SYNPO2: variants seen among roughly 807,000 people sequenced by gnomAD.
The protein encoded by SYNPO2 is synaptopodin-2.
Under a neutral mutation model 85.0 loss-of-function variants are expected in SYNPO2, and 56 were observed. That is an observed-to-expected ratio of 0.66 (90% confidence interval 0.53 to 0.82). The LOEUF (loss-of-function observed/expected upper bound fraction) is 0.82, where lower values mean the gene tolerates loss of function less well. Ranked by LOEUF, SYNPO2 falls within the 40% of genes least tolerant of loss-of-function variation. The pLI, the probability that SYNPO2 is intolerant of heterozygous loss-of-function variation, is 0.00. For synonymous variants in SYNPO2, 602 were observed against 591.1 expected (o/e 1.02, Z -0.27); for missense variants, 1,575 against 1,534.2 (o/e 1.03, Z -0.44).
Position 119,027,384 on chromosome 4 carries a change from C to G in SYNPO2, c.1015C>G (p.Pro339Ala), listed in dbSNP as rs779397253. The part of the protein sequence containing the change: ...SSEGTEQGED[P>A]RSEKDHSRPH... ...AGAAGGCACAGAGCAGGGAGAAGAT[C>G]CACGCTCGGAAAAAGATCACAGCAG... The change falls in exon 3 of 5, where the codon CCA becomes GCA. Residue 339 changes from proline (P) to alanine (A), a missense_variant. Physicochemically the swap from Pro to Ala is conservative, Grantham distance 27. Coordinates refer to ENST00000307142, the MANE Select transcript of SYNPO2 (RefSeq NM_133477.3). The G allele has an allele frequency of 5.0e-6, 8 of 1,612,908 alleles. 1 individual carries two copies. In the South Asian group the frequency reaches 7.7e-5, roughly 15 times the overall value.
intron 1 of SYNPO2, among the ~76,000 whole-genome samples, chr4:118,991,346 C>T (rs761948830): frequency 6.6e-6 from 1 of 152,062 alleles, no homozygotes; most frequent in African/African-American, 2.4e-5. Context: ...CAGGGTTTCG[C>T]CATGTTGGAC....
chr4:118,949,219 T>TA (rs879790670), intron 1 of SYNPO2, among the ~76,000 whole-genome samples: 6 of 152,108 alleles, frequency 3.9e-5, no homozygotes, highest in Non-Finnish European at 7.4e-5. Context: ...TAAACAGTTA[T>TA]ACGGCAGATC....
intron 1 of SYNPO2, among the ~76,000 whole-genome samples, chr4:118,861,384 G>T (rs574399818): frequency 6.6e-6 from 1 of 152,122 alleles, no homozygotes; most frequent in South Asian, 2.1e-4. Context: ...TGTTAGCCAC[G>T]ATGGCCTTGA....
At chr4:119,026,446 T>C (rs954094212) in intron 2 of SYNPO2, among the ~76,000 whole-genome samples, 181 bp from the exon 3 acceptor site, 2 of 152,238 alleles carry the variant, frequency 1.3e-5, no homozygotes, top group Non-Finnish European at 2.9e-5. Flanking sequence ...TTATTTGGTA[T>C]CTCTTTAAGT....
At chr4:118,865,160 G>A (rs1349987225) in intron 1 of SYNPO2, among the ~76,000 whole-genome samples, 1 of 152,208 alleles carries the variant, frequency 6.6e-6, no homozygotes, top group Admixed American at 6.5e-5. Context: ...AGTCTTGGAG[G>A]AGGCTGGAGG....
intron 1 of SYNPO2, among the ~76,000 whole-genome samples, chr4:118,923,904 A>AC (rs1303335205): frequency 5.9e-5 from 9 of 151,400 alleles, no homozygotes; most frequent in African/African-American, 1.9e-4. Flanking sequence ...AAAAAAAAAA[A>AC]AACCTGAGTT....
chr4:118,865,715 T>C (rs1037983702), intron 1 of SYNPO2, among the ~76,000 whole-genome samples: 3 of 151,994 alleles, frequency 2.0e-5, no homozygotes, highest in Admixed American at 6.6e-5. Flanking sequence ...AGGAGGGAGA[T>C]GAAAGAATAA....
chr4:118,951,430 C>T (rs1270298622), intron 1 of SYNPO2, among the ~76,000 whole-genome samples: 1 of 152,156 alleles, frequency 6.6e-6, no homozygotes, highest in Non-Finnish European at 1.5e-5. Context: ...CTAAAGGCCC[C>T]ACCTCTTAAT....
chr4:118,882,101 TTGTC>T (rs745316967), intron 1 of SYNPO2, among the ~76,000 whole-genome samples: 4 of 152,236 alleles, frequency 2.6e-5, no homozygotes, highest in South Asian at 2.1e-4. Flanking sequence ...TTTGCTGTCT[TTGTC>T]TGGGATATTA....
At chr4:118,933,714 C>T (rs1026501137) in intron 1 of SYNPO2, among the ~76,000 whole-genome samples, 16 of 151,890 alleles carry the variant, frequency 1.1e-4, no homozygotes, top group Non-Finnish European at 2.9e-5. Flanking sequence ...TGAGAAGTTA[C>T]CAAAACCTTA....
chr4:118,916,729 C>CTTTTTT (rs199715189), intron 1 of SYNPO2, among the ~76,000 whole-genome samples: 2,470 of 116,430 alleles, frequency 0.021, 1 homozygote, highest in Non-Finnish European at 0.028. Context: ...ATTTTTCTTT[C>CTTTTTT]TTTTTTTTTT....
intron 1 of SYNPO2, among the ~76,000 whole-genome samples, chr4:118,981,616 G>A (rs1339711239): frequency 6.6e-6 from 1 of 152,110 alleles, no homozygotes; most frequent in East Asian, 1.9e-4. Flanking sequence ...CTGATTAGGG[G>A]GTTGCCCTAG....
chr4:118,867,902 A>T (rs1463528405), intron 1 of SYNPO2, among the ~76,000 whole-genome samples: 1 of 152,156 alleles, frequency 6.6e-6, no homozygotes, highest in Non-Finnish European at 1.5e-5. Context: ...AAGTAAAATC[A>T]GTTTCAATGA....
At chr4:118,885,503 T>G (rs997871771), upstream of SYNPO2, among the ~76,000 whole-genome samples, 1 of 150,906 alleles carries the variant, frequency 6.6e-6, no homozygotes, top group African/African-American at 2.4e-5. Context: ...GATGGAGTCT[T>G]GCTCTATTGC....
Position 119,026,626 on chromosome 4 carries a change from G to A in SYNPO2, c.258-1G>A. The A allele has an allele frequency of 1.9e-6, 3 of 1,593,374 alleles. No individual in the cohort carries two copies. The highest frequency in any genetic ancestry group is 2.6e-6 in the Non-Finnish European group (3 of 1,170,664). On this transcript the variant is annotated splice_acceptor_variant, in intron 2 of 4. Coordinates refer to ENST00000307142, the MANE Select transcript of SYNPO2 (RefSeq NM_133477.3). LOFTEE classifies it high-confidence loss of function. Reference sequence around the variant, plus strand: ...GTCTGGAATGATTTTTCTGTGTGCAGACCATCCAGTGGAATAAGTGAGGCT... The same window carrying A: ...GTCTGGAATGATTTTTCTGTGTGCAAACCATCCAGTGGAATAAGTGAGGCT...
chr4:119,046,437 C>G (rs1429152146), intron 4 of SYNPO2, among the ~76,000 whole-genome samples: 1 of 152,200 alleles, frequency 6.6e-6, no homozygotes, highest in Admixed American at 6.5e-5. Flanking sequence ...GGAGGGCAGC[C>G]GGGGTTGGCA....
chr4:118,913,182 T>A (rs1351161874), intron 1 of SYNPO2, among the ~76,000 whole-genome samples: 1 of 152,192 alleles, frequency 6.6e-6, no homozygotes, highest in Non-Finnish European at 1.5e-5. Flanking sequence ...TTATACAAGA[T>A]GACAAGGCTT....
intron 1 of SYNPO2, among the ~76,000 whole-genome samples, chr4:118,948,197 A>T (rs1734568904): frequency 6.6e-6 from 1 of 152,214 alleles, no homozygotes; most frequent in Non-Finnish European, 1.5e-5. Flanking sequence ...AGTTGATTGC[A>T]CTAATAAGAT....
chr4:118,914,105 G>C (rs544441888), intron 1 of SYNPO2, among the ~76,000 whole-genome samples: 1 of 152,288 alleles, frequency 6.6e-6, no homozygotes, highest in African/African-American at 2.4e-5. Context: ...GAGAGGAGTG[G>C]ACAGTAATTT....
Sources: gnomAD v4.1 joint callset for allele counts (sites outside exome capture counted in the v4.1 genomes callset) on GRCh38, gnomAD v4.1.1 for gene constraint, MANE v1.5 for transcripts, NCBI Gene and HGNC (gene_info 2026-07-23, HGNC 2026-07-21) for gene names.